Variants in ARHGEF7 observed in about 807,000 individuals in gnomAD.
ARHGEF7 encodes the protein PAK-interacting exchange factor beta.
Under a neutral mutation model 109.8 loss-of-function variants are expected in ARHGEF7, and 33 were observed. That is an observed-to-expected ratio of 0.30 (90% CI 0.23 to 0.40). The LOEUF (loss-of-function observed/expected upper bound fraction) is 0.40, where lower values mean the gene tolerates loss of function less well. Ranked by LOEUF, ARHGEF7 falls within the 10% of genes least tolerant of loss-of-function variation. The pLI is 1.00. For missense variants in ARHGEF7, 938 were observed against 1,098.5 expected, an observed-to-expected ratio of 0.85 and a Z score of 2.07; for synonymous variants, 458 against 424.6, an observed-to-expected ratio of 1.08 and a Z score of -0.97.
At chr13:111,140,598 A>G (rs545507348) in intron 1 of ARHGEF7, among the ~76,000 whole-genome samples, 2 of 152,204 alleles carry the variant, frequency 1.3e-5, no homozygotes, top group Non-Finnish European at 2.9e-5. Context: ...TAGCTGGCTG[A>G]CGAGGTCAAG....
chr13:111,251,603 A>G (rs1247594591), intron 8 of ARHGEF7, among the ~76,000 whole-genome samples: 1 of 152,256 alleles, frequency 6.6e-6, no homozygotes, highest in African/African-American at 2.4e-5. Flanking sequence ...CGTTACCTTA[A>G]AAGCCACTGA....
At chr13:111,238,477 G>A (rs980044220) in intron 6 of ARHGEF7, among the ~76,000 whole-genome samples, 13 of 152,194 alleles carry the variant, frequency 8.5e-5, no homozygotes, top group African/African-American at 3.1e-4. Context: ...CATCACTGAG[G>A]CCACCATACC....
rs560373225 is a variant in ARHGEF7, at chr13:111,163,053, T to C, written c.252+9062T>C. Among the ~76,000 whole-genome samples the C allele has an allele frequency of 8.0e-4, 122 of 152,370 alleles. 1 individual carries two copies. The highest frequency in any genetic ancestry group is 2.8e-3 in the African/African-American group (117 of 41,592). On this transcript the variant is annotated intron_variant, in intron 2 of 21. Coordinates refer to ENST00000646102, the MANE Select transcript of ARHGEF7 (RefSeq NM_001354046.2). ...CATTCTTTTTAGCTGGGCACCCTTC[T>C]ATACTGTTGATACCAAGCGTGAAAC...
intron 8 of ARHGEF7, chr13:111,265,550 G>C (rs999795966): frequency 2.2e-6 from 1 of 456,602 alleles, no homozygotes; most frequent in African/African-American, 2.0e-5. Flanking sequence ...AGACTGCATG[G>C]AGGTGGAACC....
At chr13:111,288,572 T>G (rs1373226416) in intron 18 of ARHGEF7, 129 bp downstream of exon 18, 10 of 541,964 alleles carry the variant, frequency 1.8e-5, no homozygotes, top group Non-Finnish European at 3.1e-5. Context: ...GTGAGTGATG[T>G]TTCAGTCAGG....
intron 1 of ARHGEF7, among the ~76,000 whole-genome samples, chr13:111,117,711 CT>C (rs2066893489): frequency 6.6e-6 from 1 of 151,846 alleles, no homozygotes; most frequent in Non-Finnish European, 1.5e-5. Context: ...CTCTCTGTCT[CT>C]CTCTCTCTTT....
rs115289909 is a variant in ARHGEF7 at position 111,228,731 on chromosome 13, A to C, written c.671-4474A>C. Among the ~76,000 whole-genome samples, 2,166 of 152,136 alleles carry C rather than the reference A, an allele frequency of 0.014. 51 individuals carry two copies. The highest frequency in any genetic ancestry group is 0.049 in the African/African-American group (2,020 of 41,504). ...CACTGCTGAGCACGGGCAGACACAC[A>C]CAGACATTGACTCTGTGAACTCTGA... On this transcript the variant is annotated intron_variant, in intron 5 of 21. Transcript: ENST00000646102. The surrounding 1 kb of genome is among the most constrained non-coding windows in gnomAD (Gnocchi z 4.6).
intron 8 of ARHGEF7, among the ~76,000 whole-genome samples, chr13:111,252,819 C>A (rs1433426096): frequency 6.6e-6 from 1 of 152,190 alleles, no homozygotes; most frequent in Non-Finnish European, 1.5e-5. Context: ...TAACTGGGGC[C>A]TCAGATTTGG....
intron 2 of ARHGEF7, among the ~76,000 whole-genome samples, chr13:111,204,765 T>G (rs995960985): frequency 2.6e-5 from 4 of 152,198 alleles, no homozygotes; most frequent in African/African-American, 7.2e-5. Context: ...CTTTCCTATC[T>G]GGGATCTGCT....
intron 3 of ARHGEF7, among the ~76,000 whole-genome samples, chr13:111,208,746 G>A (rs878882732): frequency 6.6e-6 from 1 of 152,170 alleles, no homozygotes; most frequent in Non-Finnish European, 1.5e-5. Context: ...GCCCTCAGCA[G>A]GTCCTGGGAA....
Position 111,131,490 on chromosome 13 carries a change from T to TC in ARHGEF7, c.165+15800dup, listed in dbSNP as rs2074750805. Among the ~76,000 whole-genome samples the TC allele has an allele frequency of 6.6e-6, 1 of 152,138 alleles. No individual in the cohort carries two copies. The highest frequency in any genetic ancestry group is 6.5e-5 in the Admixed American group (1 of 15,276). On this transcript the variant is annotated intron_variant, in intron 1 of 21. Transcript: ENST00000646102. This position sits in a 1 kb window ranked among gnomAD's most constrained non-coding sequence, Gnocchi z 4.4. The stretch of plus-strand genomic sequence containing the variant: ...CTGGACTGAAGCATACACGTGGGAC[T>TC]CGTAGTACAGAGATATGTACTGAAG...
In ARHGEF7 at chr13:111,305,622, A is replaced by G. The variant is rs879596672; in HGVS notation, c.*2509A>G. The G allele has an allele frequency of 2.6e-5, 4 of 152,238 alleles. No homozygotes were observed. The highest frequency in any genetic ancestry group is 5.9e-5 in the Non-Finnish European group (4 of 68,046). The allele number at this position is 152,238 out of a possible 1,614,324, so 9.4% of individuals were successfully genotyped here. The stretch of plus-strand genomic sequence containing the variant: ...GGGACACCCAGGGCGCCTGTTGACA[A>G]GTGTGGAGAAACTCCTAATTTAAAT... On this transcript the variant is annotated 3_prime_UTR_variant, in exon 22 of 22. Coordinates refer to ENST00000646102, the MANE Select transcript of ARHGEF7 (RefSeq NM_001354046.2).
chr13:111,137,350 G>A (rs1192422455), intron 1 of ARHGEF7, among the ~76,000 whole-genome samples: 1 of 152,248 alleles, frequency 6.6e-6, no homozygotes, highest in African/African-American at 2.4e-5. Flanking sequence ...CATTAGCCCA[G>A]CAGCACCATG....
In ARHGEF7 at chr13:111,304,975, G is replaced by A. The variant is rs1053165042; in HGVS notation, c.*1862G>A. On this transcript the variant is annotated 3_prime_UTR_variant, in exon 22 of 22. Coordinates refer to ENST00000646102, the MANE Select transcript of ARHGEF7 (RefSeq NM_001354046.2). ...GCTGTTGTAGCAGGTTTTAACTCAG[G>A]AACAACTCTTGTCTGATCTCTCCGC... 1.3e-5 allele frequency: 2 copies of A among 152,244 alleles called. No homozygotes were observed. Among genetic ancestry groups the A allele is most frequent in the Admixed American group, 6.5e-5 (1 of 15,286 alleles). 9.4% of individuals were successfully genotyped at this position (152,244 alleles called of 1,614,324 possible). A position where few individuals can be genotyped will look rare whatever the true frequency, so the allele number is the denominator to read the frequency against.
chr13:111,138,014 G>C (rs1409216326), intron 1 of ARHGEF7, among the ~76,000 whole-genome samples: 1 of 152,172 alleles, frequency 6.6e-6, no homozygotes, highest in Non-Finnish European at 1.5e-5. Context: ...TGGGTTGCCA[G>C]TTCAAAAACA....
chr13:111,203,130 TTATG>T (rs769004608), intron 2 of ARHGEF7: 18 of 1,272,198 alleles, frequency 1.4e-5, no homozygotes, highest in Admixed American at 7.5e-5. Flanking sequence ...TAGTAGAAAT[TTATG>T]TATGTATTTC....
intron 4 of ARHGEF7, among the ~76,000 whole-genome samples, chr13:111,211,124 G>A (rs1490936618): frequency 6.6e-6 from 1 of 152,194 alleles, no homozygotes; most frequent in Non-Finnish European, 1.5e-5. Context: ...GGTGGGCGGT[G>A]GGCTGCATGG....
rs539565743 is a variant in ARHGEF7 at position 111,281,868 on chromosome 13, C to G, written c.1725+1191C>G. 2.0e-5 allele frequency among the ~76,000 whole-genome samples: 3 copies of G among 152,338 alleles called. No homozygotes were observed. In the South Asian group the frequency reaches 6.2e-4, roughly 32 times the overall value. On this transcript the variant is annotated intron_variant, in intron 15 of 21. Transcript: ENST00000646102. ...TCATGTTTAAAATGTTCTGCATTCT[C>G]CTACAGAGTTTCTTGTGTGGGATGA...
intron 19 of ARHGEF7, among the ~76,000 whole-genome samples, chr13:111,299,337 ATTTT>A (rs936360326): frequency 1.2e-4 from 13 of 106,094 alleles, no homozygotes; most frequent in African/African-American, 4.3e-4. Flanking sequence ...GAAGCCATTC[ATTTT>A]TTTTTTTTTT....
Sources: allele counts gnomAD v4.1 joint callset (sites outside exome capture counted in the v4.1 genomes callset), GRCh38; gene constraint gnomAD v4.1.1; non-coding constraint Gnocchi (gnomAD v3.1); transcripts MANE v1.5; gene names NCBI Gene and HGNC (gene_info 2026-07-23, HGNC 2026-07-21).